The following UNC5C variants were observed in gnomAD, a reference collection of about 807,000 sequenced individuals.
UNC5C encodes the protein netrin receptor UNC5C.
Under a neutral mutation model 99.8 loss-of-function variants are expected in UNC5C, and 47 were observed. The observed-to-expected ratio is 0.47, with a 90% CI of 0.37 to 0.60. The LOEUF is 0.60. Among genes scored for constraint, UNC5C ranks in the 20% least tolerant of loss-of-function variants. The pLI, the probability that UNC5C is intolerant of heterozygous loss-of-function variation, is 0.00. For missense variants in UNC5C, 1,062 were observed against 1,165.9 expected, an observed-to-expected ratio of 0.91 and a Z score of 1.30; for synonymous variants, 487 against 452.2, an observed-to-expected ratio of 1.08 and a Z score of -0.98.
intron 3 of UNC5C, among the ~76,000 whole-genome samples, chr4:95,281,688 C>G (rs537914457): frequency 1.3e-5 from 2 of 152,186 alleles, no homozygotes; most frequent in Non-Finnish European, 2.9e-5. Context: ...TAACTTGGTA[C>G]AAACACTGAG....
intron 1 of UNC5C, among the ~76,000 whole-genome samples, chr4:95,535,511 T>A (rs1470343429): frequency 6.6e-6 from 1 of 152,212 alleles, no homozygotes; most frequent in Admixed American, 6.5e-5. Context: ...CTATTCTCAG[T>A]TCTTCACTTT....
intron 10 of UNC5C, among the ~76,000 whole-genome samples, chr4:95,207,573 G>T (rs1280692244): frequency 6.6e-6 from 1 of 152,244 alleles, no homozygotes; most frequent in East Asian, 1.9e-4. Flanking sequence ...TGAGTGGATT[G>T]CCCCAAGTCT....
At chr4:95,453,829 T>A (rs1201762737) in intron 1 of UNC5C, among the ~76,000 whole-genome samples, 1 of 152,138 alleles carries the variant, frequency 6.6e-6, no homozygotes, top group Non-Finnish European at 1.5e-5. Context: ...CAGGAATTAT[T>A]ACTAGGATTT....
At position 95,232,710 on chromosome 4, in the gene UNC5C, C is replaced by A. The variant is rs1232773059; in HGVS notation, c.1108+9719G>T. ...GTAGGCTAAAGTTTCTAACCACATC[C>A]CTGCTTTCAAAACCAGGAAAATGTT... On this transcript the variant is annotated intron_variant, in intron 7 of 15. Coordinates refer to ENST00000453304, the MANE Select transcript of UNC5C (RefSeq NM_003728.4). 2.0e-5 allele frequency among the ~76,000 whole-genome samples: 3 copies of A among 152,154 alleles called. No homozygotes were observed. The East Asian group carries it at 5.8e-4, about 29-fold the overall frequency.
At chr4:95,444,300 C>G (rs1747030608) in intron 1 of UNC5C, among the ~76,000 whole-genome samples, 1 of 151,158 alleles carries the variant, frequency 6.6e-6, no homozygotes, top group African/African-American at 2.4e-5. Context: ...GCTTGTCTGA[C>G]AGCAAGTAAA....
chr4:95,365,350 TA>T (rs1281350577), intron 1 of UNC5C, among the ~76,000 whole-genome samples: 2 of 141,560 alleles, frequency 1.4e-5, no homozygotes, highest in East Asian at 2.1e-4. Context: ...CATAATACAA[TA>T]AAAAATTATA....
At chr4:95,199,069 T>G (rs1219168480) in intron 12 of UNC5C, among the ~76,000 whole-genome samples, 1 of 152,104 alleles carries the variant, frequency 6.6e-6, no homozygotes, top group Non-Finnish European at 1.5e-5. Context: ...GCGCTGAGAA[T>G]TCCTGATTTT....
chr4:95,476,436 G>C (rs113495645), intron 1 of UNC5C, among the ~76,000 whole-genome samples: 1,885 of 152,112 alleles, frequency 0.012, 42 homozygotes, highest in African/African-American at 0.043. Flanking sequence ...TTTCTCCCCA[G>C]AAGGTGACAG....
At chr4:95,258,963 T>G (rs947106338) in intron 4 of UNC5C, among the ~76,000 whole-genome samples, 13 of 150,500 alleles carry the variant, frequency 8.6e-5, no homozygotes, top group Admixed American at 1.3e-4. Context: ...GGGTTTCACC[T>G]TGTTAGCCAG....
intron 1 of UNC5C, among the ~76,000 whole-genome samples, chr4:95,500,435 T>C (rs1721748855): frequency 6.6e-6 from 1 of 152,056 alleles, no homozygotes; most frequent in South Asian, 2.1e-4. Flanking sequence ...AAGCTAGTTA[T>C]AAAAAATGGA....
chr4:95,383,794 T>C (rs1343759854), intron 1 of UNC5C, among the ~76,000 whole-genome samples: 1 of 152,336 alleles, frequency 6.6e-6, no homozygotes, highest in East Asian at 1.9e-4. Flanking sequence ...AATTGAAGCA[T>C]GACAATCAGC....
chr4:95,449,912 A>T (rs1451889038), intron 1 of UNC5C, among the ~76,000 whole-genome samples: 4 of 152,218 alleles, frequency 2.6e-5, no homozygotes, highest in Non-Finnish European at 5.9e-5. Flanking sequence ...GGTGACATGC[A>T]TTTCAAGAAA....
chr4:95,181,576 G>C (rs1045975950), intron 14 of UNC5C, among the ~76,000 whole-genome samples: 1 of 152,130 alleles, frequency 6.6e-6, no homozygotes, highest in Non-Finnish European at 1.5e-5. Flanking sequence ...ACACCCTCCC[G>C]AGCCAGCAGG....
intron 1 of UNC5C, among the ~76,000 whole-genome samples, chr4:95,495,284 G>A (rs545143170): frequency 6.6e-6 from 1 of 151,502 alleles, no homozygotes. Flanking sequence ...TTTATCACTT[G>A]TAACTCTGTC....
chr4:95,333,105 AC>A (rs1349197106), intron 2 of UNC5C, among the ~76,000 whole-genome samples: 1 of 152,150 alleles, frequency 6.6e-6, no homozygotes, highest in Non-Finnish European at 1.5e-5. Flanking sequence ...AAATAGGAAC[AC>A]TTTTACACTG....
intron 1 of UNC5C, among the ~76,000 whole-genome samples, chr4:95,481,470 A>G (rs1721151737): frequency 6.6e-6 from 1 of 152,002 alleles, no homozygotes. Flanking sequence ...ATCCCCATCA[A>G]GCTACCAATG....
intron 1 of UNC5C, among the ~76,000 whole-genome samples, chr4:95,387,752 T>G (rs1745251843): frequency 6.6e-6 from 1 of 152,204 alleles, no homozygotes. Context: ...ATCAGTTCAG[T>G]GTGGGTTTTC....
intron 12 of UNC5C, among the ~76,000 whole-genome samples, chr4:95,200,268 AT>A (rs943514600): frequency 1.3e-5 from 2 of 152,078 alleles, no homozygotes; most frequent in African/African-American, 2.4e-5. Context: ...TCCTTGATTC[AT>A]TTTTCTTCCA....
At chr4:95,528,355 T>C (rs917251650) in intron 1 of UNC5C, among the ~76,000 whole-genome samples, 1 of 152,164 alleles carries the variant, frequency 6.6e-6, no homozygotes, top group African/African-American at 2.4e-5. Flanking sequence ...TGGAGATTCA[T>C]GCACTGGGGT....
Sources: allele counts gnomAD v4.1 joint callset (sites outside exome capture counted in the v4.1 genomes callset), GRCh38; gene constraint gnomAD v4.1.1; transcripts MANE v1.5; gene names NCBI Gene and HGNC (gene_info 2026-07-23, HGNC 2026-07-21).